FMN1: variants seen among roughly 807,000 people sequenced by gnomAD.
FMN1 encodes formin-1.
FMN1 carries 110 observed loss-of-function variants against 132.4 expected under a neutral mutation model. The ratio of observed to expected loss-of-function variants is 0.83; its 90% CI spans 0.71 to 0.97. FMN1 has a LOEUF of 0.97. Among genes scored for constraint, FMN1 ranks in the 50% least tolerant of loss-of-function variants. The pLI, the probability that FMN1 is intolerant of heterozygous loss-of-function variation, is 0.00. For synonymous variants in FMN1, 722 were observed against 651.7 expected (o/e 1.11, Z -1.64); for missense variants, 1,792 against 1,705.3 (o/e 1.05, Z -0.90).
intron 6 of FMN1, among the ~76,000 whole-genome samples, chr15:33,017,527 G>A (rs1057431974): frequency 6.6e-6 from 1 of 152,022 alleles, no homozygotes; most frequent in African/African-American, 2.4e-5. Flanking sequence ...AACCTACTAT[G>A]TTGTTCAATA....
chr15:33,067,320 C>A (rs1288852480), intron 5 of FMN1: 1 of 1,613,834 alleles, frequency 6.2e-7, no homozygotes, highest in African/African-American at 1.3e-5. Context: ...ACAGTATTTT[C>A]CCTGAAACCT....
In FMN1 at chr15:32,969,445, C is replaced by G. The variant is rs1424263444; in HGVS notation, c.2256G>C (p.Arg752=). Reference sequence around the variant, plus strand: ...TCGCTGTTATCATTGCATGCTCGCCCCGGATATGAAATGCCCGAAGTTCAA... The same window carrying G: ...TCGCTGTTATCATTGCATGCTCGCCGCGGATATGAAATGCCCGAAGTTCAA... ...AQFELRAFHI[R]GEHAMITARL... The change falls in exon 8 of 21, where the codon CGG becomes CGC. Residue 752 remains arginine, a synonymous_variant. Transcript: ENST00000616417. 3 of 1,613,696 alleles carry G rather than the reference C, an allele frequency of 1.9e-6. No homozygotes were observed. The highest frequency in any genetic ancestry group is 2.5e-6 in the Non-Finnish European group (3 of 1,179,834).
chr15:32,908,329 G>A (rs1011924699), intron 12 of FMN1, 161 bp downstream of exon 12: 78 of 548,648 alleles, frequency 1.4e-4, no homozygotes, highest in Non-Finnish European at 1.4e-4. Flanking sequence ...TGCTTTTCCC[G>A]GCAGCAGGGT....
At chr15:32,950,046 T>TATACAC (rs1555503246) in intron 9 of FMN1, among the ~76,000 whole-genome samples, 430 of 7,100 alleles carry the variant, frequency 0.061, 133 homozygotes, top group Non-Finnish European at 0.13. Context: ...CATATATATA[T>TATACAC]ATATACACAT....
intron 14 of FMN1, among the ~76,000 whole-genome samples, chr15:32,899,542 TGA>T (rs2060245065): frequency 6.6e-6 from 1 of 152,166 alleles, no homozygotes; most frequent in Admixed American, 6.5e-5. Flanking sequence ...TCAGAGAGCT[TGA>T]CAGTAGACCC....
intron 7 of FMN1, among the ~76,000 whole-genome samples, chr15:32,976,201 G>A (rs969042421): frequency 1.3e-5 from 2 of 152,146 alleles, no homozygotes; most frequent in African/African-American, 4.8e-5. Flanking sequence ...TACATCCCTA[G>A]GCTGGGGAAA....
chr15:32,799,508 A>T (rs1214051321), intron 18 of FMN1, among the ~76,000 whole-genome samples: 1 of 152,228 alleles, frequency 6.6e-6, no homozygotes, highest in Non-Finnish European at 1.5e-5. Flanking sequence ...GATGTAGATG[A>T]TATGATCTTC....
chr15:33,174,714 T>C (rs1342434867), intron 3 of FMN1, among the ~76,000 whole-genome samples: 1 of 152,062 alleles, frequency 6.6e-6, no homozygotes, highest in African/African-American at 2.4e-5. Flanking sequence ...CATAGGATCA[T>C]ATTCAGCATA....
At chr15:33,133,293 C>A (rs1324370717) in intron 4 of FMN1, among the ~76,000 whole-genome samples, 3 of 152,188 alleles carry the variant, frequency 2.0e-5, no homozygotes, top group Admixed American at 6.5e-5. Flanking sequence ...GGTCTCTAGT[C>A]CCAGTTCCAG....
chr15:33,042,027 T>A (rs944296335), intron 6 of FMN1, among the ~76,000 whole-genome samples: 1 of 141,008 alleles, frequency 7.1e-6, no homozygotes, highest in African/African-American at 2.5e-5. Flanking sequence ...ATTGTCATGA[T>A]GTCTACCTAA....
intron 17 of FMN1, among the ~76,000 whole-genome samples, chr15:32,834,104 TA>T (rs1440104860): frequency 2.0e-5 from 3 of 152,230 alleles, no homozygotes; most frequent in African/African-American, 7.2e-5. Flanking sequence ...GGCTGGACCC[TA>T]GCATGCCTGT....
At position 32,949,894 on chromosome 15, in the gene FMN1, C is replaced by T. The variant is rs188708677; in HGVS notation, c.3138+14213G>A. Among the ~76,000 whole-genome samples, 90 of 138,242 alleles carry T rather than the reference C, an allele frequency of 6.5e-4. 2 individuals are homozygous for T. The highest frequency in any genetic ancestry group is 2.3e-3 in the African/African-American group (87 of 37,736). The allele number at this position is 138,242 out of a possible 152,430, so 90.7% of individuals were successfully genotyped here. ...ACCCCATTAAAAAGTGGGCAAAGGA[C>T]ATGAACAGACACTTTTCAAAAAAAG... On this transcript the variant is annotated intron_variant, in intron 9 of 20. Transcript: ENST00000616417.
chr15:32,917,086 A>G (rs1472095964), intron 10 of FMN1, among the ~76,000 whole-genome samples: 2 of 152,174 alleles, frequency 1.3e-5, no homozygotes, highest in African/African-American at 4.8e-5. Flanking sequence ...TTCCCTCCCA[A>G]CAATGAGGTC....
intron 3 of FMN1, among the ~76,000 whole-genome samples, chr15:33,156,282 T>G (rs902034249): frequency 2.0e-5 from 3 of 146,390 alleles, no homozygotes; most frequent in African/African-American, 7.8e-5. Context: ...AGTTTTTTTT[T>G]TTTTTTTTTT....
chr15:33,058,103 G>T (rs1395997719), intron 6 of FMN1, among the ~76,000 whole-genome samples: 1 of 151,960 alleles, frequency 6.6e-6, no homozygotes, highest in Non-Finnish European at 1.5e-5. Context: ...CTGGTGGAAA[G>T]GTGCGGCGGG....
intron 4 of FMN1, among the ~76,000 whole-genome samples, chr15:33,115,829 T>C (rs1447426677): frequency 6.6e-6 from 1 of 152,178 alleles, no homozygotes; most frequent in Non-Finnish European, 1.5e-5. Context: ...TAACTCTTTG[T>C]GGTCATGAGA....
intron 7 of FMN1, among the ~76,000 whole-genome samples, chr15:33,004,959 T>A (rs957297020): frequency 8.5e-5 from 13 of 152,168 alleles, no homozygotes; most frequent in African/African-American, 2.9e-4. Flanking sequence ...AAACACCGTA[T>A]GTTCTCACTC....
intron 16 of FMN1, among the ~76,000 whole-genome samples, chr15:32,869,909 C>T (rs867030963): frequency 2.0e-5 from 3 of 151,980 alleles, no homozygotes; most frequent in African/African-American, 4.8e-5. Flanking sequence ...GTTGGGGGTG[C>T]GGGGAAAAAG....
chr15:33,117,791 C>A (rs1401395309), intron 4 of FMN1, among the ~76,000 whole-genome samples: 2 of 152,084 alleles, frequency 1.3e-5, no homozygotes, highest in Non-Finnish European at 2.9e-5. Flanking sequence ...AAGGAAGAAC[C>A]ACTAGAGCAA....
Sources: gnomAD v4.1 joint callset for allele counts (sites outside exome capture counted in the v4.1 genomes callset) on GRCh38, gnomAD v4.1.1 for gene constraint, MANE v1.5 for transcripts, NCBI Gene and HGNC (gene_info 2026-07-23, HGNC 2026-07-21) for gene names.